Variants in NPAS3 observed in about 807,000 individuals in gnomAD.
The protein encoded by NPAS3 is neuronal PAS domain protein 3.
In NPAS3, 14 loss-of-function variants were observed where a neutral mutation model predicts 73.1. That is an observed-to-expected ratio of 0.19 (90% CI 0.13 to 0.30). The LOEUF is 0.30. Ranked by LOEUF, NPAS3 falls within the 10% of genes least tolerant of loss-of-function variation. NPAS3 has a pLI of 1.00. For synonymous variants in NPAS3, 620 were observed against 541.5 expected, an observed-to-expected ratio of 1.14 and a Z score of -2.01; for missense variants, 1,096 against 1,250.0, an observed-to-expected ratio of 0.88 and a Z score of 1.86.
At chr14:32,953,712 G>T (rs531928331) in intron 1 of NPAS3, among the ~76,000 whole-genome samples, 1 of 152,236 alleles carries the variant, frequency 6.6e-6, no homozygotes, top group African/African-American at 2.4e-5. Context: ...ATATTAGTGT[G>T]TAAGGTAATT....
intron 4 of NPAS3, among the ~76,000 whole-genome samples, chr14:33,438,068 A>G (rs1428014300): frequency 6.6e-6 from 1 of 152,226 alleles, no homozygotes; most frequent in Non-Finnish European, 1.5e-5. Flanking sequence ...CGTTTGGAAA[A>G]TAATATATGT....
At chr14:33,521,549 G>A (rs1052336723) in intron 4 of NPAS3, among the ~76,000 whole-genome samples, 3 of 144,792 alleles carry the variant, frequency 2.1e-5, no homozygotes, top group Admixed American at 6.9e-5. Flanking sequence ...TTAGAGATGT[G>A]TAAGAATTAA....
chr14:33,450,845 A>T (rs1429790420), intron 4 of NPAS3, among the ~76,000 whole-genome samples: 1 of 152,238 alleles, frequency 6.6e-6, no homozygotes, highest in Non-Finnish European at 1.5e-5. Flanking sequence ...CATGGTTGCC[A>T]GGCATTACTG....
intron 4 of NPAS3, among the ~76,000 whole-genome samples, chr14:33,547,812 T>C (rs2054917196): frequency 6.6e-6 from 1 of 152,210 alleles, no homozygotes; most frequent in African/African-American, 2.4e-5. Flanking sequence ...AGGTTGCTAT[T>C]TACTTAGAAT....
chr14:33,114,773 G>C (rs1307122117), intron 2 of NPAS3, among the ~76,000 whole-genome samples: 1 of 152,066 alleles, frequency 6.6e-6, no homozygotes, highest in Non-Finnish European at 1.5e-5. Flanking sequence ...AACCAAGAAG[G>C]CTTACAAGTC....
At chr14:33,030,755 G>A (rs929326995) in intron 1 of NPAS3, among the ~76,000 whole-genome samples, 3 of 152,160 alleles carry the variant, frequency 2.0e-5, no homozygotes, top group African/African-American at 7.2e-5. Context: ...TGTAAAGTCG[G>A]TGTATGCCAT....
At chr14:33,174,704 G>A (rs951886195) in intron 2 of NPAS3, among the ~76,000 whole-genome samples, 1 of 152,142 alleles carries the variant, frequency 6.6e-6, no homozygotes, top group African/African-American at 2.4e-5. Flanking sequence ...GAGGCTAAAT[G>A]GAGATTCTTG....
intron 3 of NPAS3, among the ~76,000 whole-genome samples, chr14:33,226,746 A>G (rs531204631): frequency 6.6e-6 from 1 of 152,294 alleles, no homozygotes; most frequent in Non-Finnish European, 1.5e-5. Context: ...ACTAAAATTC[A>G]GTGAGTTCAT....
chr14:33,553,826 T>C (rs2055231078), intron 4 of NPAS3, among the ~76,000 whole-genome samples: 1 of 152,156 alleles, frequency 6.6e-6, no homozygotes. Context: ...TTGTGAATCT[T>C]TTTCTTCCCC....
At chr14:33,301,466 C>T (rs1028305371) in intron 3 of NPAS3, among the ~76,000 whole-genome samples, 2 of 151,538 alleles carry the variant, frequency 1.3e-5, no homozygotes, top group African/African-American at 2.4e-5. Context: ...GTTTGTAAAA[C>T]TCAAATTCTA....
intron 6 of NPAS3, among the ~76,000 whole-genome samples, chr14:33,714,082 A>C (rs1352768516): frequency 6.6e-6 from 1 of 152,104 alleles, no homozygotes; most frequent in Non-Finnish European, 1.5e-5. Context: ...GTTATTTAAA[A>C]TTACAACTCT....
chr14:33,675,444 T>C (rs1048155590), intron 5 of NPAS3, among the ~76,000 whole-genome samples: 1 of 151,826 alleles, frequency 6.6e-6, no homozygotes, highest in East Asian at 2.1e-4. Context: ...GCCTTTAGAG[T>C]TAGTTAGAGA....
chr14:32,988,227 A>C (rs1319140245), intron 1 of NPAS3, among the ~76,000 whole-genome samples: 1 of 152,206 alleles, frequency 6.6e-6, no homozygotes, highest in African/African-American at 2.4e-5. Flanking sequence ...TCATGATATA[A>C]TAGATGGTAA....
At chr14:32,973,338 A>G (rs1014051472) in intron 1 of NPAS3, among the ~76,000 whole-genome samples, 1 of 152,194 alleles carries the variant, frequency 6.6e-6, no homozygotes, top group South Asian at 2.1e-4. Flanking sequence ...CTGGGAATAC[A>G]TGGTCCATTA....
intron 4 of NPAS3, among the ~76,000 whole-genome samples, chr14:33,421,765 A>C (rs1373096767): frequency 6.6e-6 from 1 of 151,966 alleles, no homozygotes; most frequent in African/African-American, 2.4e-5. Context: ...TGATACTGTT[A>C]ATGAATAAAT....
intron 5 of NPAS3, among the ~76,000 whole-genome samples, chr14:33,610,808 A>G (rs189635688): frequency 6.6e-6 from 1 of 152,346 alleles, no homozygotes; most frequent in Admixed American, 6.5e-5. Context: ...GTCATAAATT[A>G]GCAAGGAGCT....
At chr14:33,050,996 C>T (rs2040681851) in intron 1 of NPAS3, among the ~76,000 whole-genome samples, 1 of 152,134 alleles carries the variant, frequency 6.6e-6, no homozygotes, top group African/African-American at 2.4e-5. Flanking sequence ...TAAAGAAGGC[C>T]GGGCGCGGTG....
intron 5 of NPAS3, among the ~76,000 whole-genome samples, chr14:33,633,547 C>G (rs961526011): frequency 6.6e-6 from 1 of 152,198 alleles, no homozygotes; most frequent in Non-Finnish European, 1.5e-5. Flanking sequence ...CAAACCTGTA[C>G]AGCATGTTAC....
At chr14:33,509,054 C>G (rs1242589849) in intron 4 of NPAS3, among the ~76,000 whole-genome samples, 3 of 135,384 alleles carry the variant, frequency 2.2e-5, no homozygotes, top group Non-Finnish European at 4.9e-5. Flanking sequence ...GGTTATCCAA[C>G]TACTTTTTTT....
Sources: allele counts gnomAD v4.1 joint callset (sites outside exome capture counted in the v4.1 genomes callset), GRCh38; gene constraint gnomAD v4.1.1; transcripts MANE v1.5; gene names NCBI Gene and HGNC (gene_info 2026-07-23, HGNC 2026-07-21).